IFT140: variants seen among roughly 807,000 people sequenced by gnomAD.
The protein encoded by IFT140 is intraflagellar transport protein 140 homolog.
A neutral mutation model predicts 164.6 loss-of-function variants in IFT140; 133 were observed. The ratio of observed to expected loss-of-function variants is 0.81; its 90% CI spans 0.70 to 0.93. IFT140 has a LOEUF of 0.93. Among genes scored for constraint, IFT140 ranks in the 40% least tolerant of loss-of-function variants. IFT140 has a pLI of 0.00. For missense variants in IFT140, 2,045 were observed against 1,972.3 expected (o/e 1.04, Z -0.70); for synonymous variants, 860 against 817.3 (o/e 1.05, Z -0.89).
intron 27 of IFT140, 37 bp downstream of exon 27, chr16:1,520,565 G>A: frequency 6.5e-7 from 1 of 1,536,088 alleles, no homozygotes; most frequent in Non-Finnish European, 8.8e-7. Context: ...CTAACTGCCT[G>A]TGAGGTAGCC....
chr16:1,524,737 G>A, intron 23 of IFT140, 42 bp from the exon 24 acceptor site: 3 of 1,584,550 alleles, frequency 1.9e-6, no homozygotes, highest in Non-Finnish European at 2.6e-6. Flanking sequence ...CGGTGGCCTT[G>A]TGTCTGCCTC....
At chr16:1,587,176 G>A (rs746673783) in intron 9 of IFT140, 22 bp downstream of exon 9, 2 of 1,471,060 alleles carry the variant, frequency 1.4e-6, no homozygotes, top group South Asian at 1.1e-5. Flanking sequence ...TGTTTCTCTT[G>A]TGCCAGGCCA....
intron 19 of IFT140, among the ~76,000 whole-genome samples, chr16:1,537,006 A>G (rs2031140388): frequency 6.6e-6 from 1 of 152,212 alleles, no homozygotes; most frequent in African/African-American, 2.4e-5. Context: ...CAGCAGCTCT[A>G]GCCTGGCCAC....
chr16:1,602,741 A>G, intron 3 of IFT140, 150 bp from the exon 4 acceptor site: 1 of 697,238 alleles, frequency 1.4e-6, no homozygotes, highest in South Asian at 1.8e-5. Context: ...GGAGTTCGAG[A>G]CCAGCTGGGC....
intron 13 of IFT140, 102 bp downstream of exon 13, chr16:1,580,657 G>T: frequency 1.3e-6 from 1 of 769,778 alleles, no homozygotes; most frequent in South Asian, 1.5e-5. Context: ...TGTGAGAAAG[G>T]ACTAATAACC....
At position 1,580,865 on chromosome 16, in the gene IFT140, G is replaced by A. The variant is rs749683523; in HGVS notation, c.1433-15C>T. ...CAAGAAGGTCCCTAAAATGAAAGAC[G>A]AACATCAGGATGGCGGCCGCTCATC... On this transcript the variant is annotated splice_polypyrimidine_tract_variant and intron_variant, in intron 12 of 30. Coordinates refer to ENST00000426508, the MANE Select transcript of IFT140 (RefSeq NM_014714.4). 2.2e-5 allele frequency: 34 copies of A among 1,577,720 alleles called. No individual in the cohort carries two copies. Among genetic ancestry groups the A allele is most frequent in the Non-Finnish European group, 2.9e-5 (33 of 1,147,530 alleles).
intron 4 of IFT140, among the ~76,000 whole-genome samples, chr16:1,598,187 G>A (rs566220701): frequency 8.5e-5 from 13 of 152,218 alleles, no homozygotes; most frequent in East Asian, 1.9e-4. Flanking sequence ...AGCCGGGTGC[G>A]GTGGCTCACG....
intron 19 of IFT140, 103 bp downstream of exon 19, chr16:1,557,832 G>C: frequency 9.1e-7 from 1 of 1,098,656 alleles, no homozygotes; most frequent in Non-Finnish European, 1.4e-6. Context: ...CAGTCATGAG[G>C]AGTCAAATAT....
chr16:1,609,691 T>C (rs186017760), intron 2 of IFT140, among the ~76,000 whole-genome samples: 6 of 152,356 alleles, frequency 3.9e-5, no homozygotes, highest in African/African-American at 2.4e-5. Context: ...TGCATTAATA[T>C]AATTGTTCAT....
chr16:1,525,055 G>C, intron 22 of IFT140, 139 bp from the exon 23 acceptor site: 1 of 1,341,766 alleles, frequency 7.5e-7, no homozygotes, highest in Non-Finnish European at 1.0e-6. Flanking sequence ...GAGGACCCCT[G>C]GCTTTGTCCA....
Position 1,571,403 on chromosome 16 carries a change from T to C in IFT140, c.1652+4A>G, listed in dbSNP as rs1233475487. The C allele has an allele frequency of 3.7e-6, 6 of 1,608,636 alleles. No homozygotes were observed. Among genetic ancestry groups the C allele is most frequent in the East Asian group, 2.2e-5 (1 of 44,862 alleles). On this transcript the variant is annotated splice_donor_region_variant and intron_variant, in intron 14 of 30. Coordinates refer to ENST00000426508, the MANE Select transcript of IFT140 (RefSeq NM_014714.4). ...TCACACTTCTATTTGGAAAAAAAAT[T>C]TACCTTCGGGAAAGATCAAAGCTTT...
At chr16:1,540,256 G>A (rs1369633613) in intron 19 of IFT140, among the ~76,000 whole-genome samples, 1 of 152,240 alleles carries the variant, frequency 6.6e-6, no homozygotes, top group African/African-American at 2.4e-5. Flanking sequence ...GTTATTCTGT[G>A]AATCCAGATT....
rs545940037 is a variant in IFT140 at position 1,577,399 on chromosome 16, T to C, written c.1524+3360A>G. The C allele has an allele frequency of 3.9e-5, 6 of 152,300 alleles. No individual in the cohort carries two copies. In the South Asian group the frequency reaches 1.2e-3, roughly 32 times the overall value. The allele number at this position is 152,300 out of a possible 1,614,324, so 9.4% of individuals were successfully genotyped here. A position where few individuals can be genotyped will look rare whatever the true frequency, so the allele number is the denominator to read the frequency against. ...TGCACTATGTAATACATAGAACATATGAAATATGTGTTAATCGACTGTTCA... is the reference window on the plus strand; with the variant it reads ...TGCACTATGTAATACATAGAACATACGAAATATGTGTTAATCGACTGTTCA... On this transcript the variant is annotated intron_variant, in intron 13 of 30. Coordinates refer to ENST00000426508, the MANE Select transcript of IFT140 (RefSeq NM_014714.4).
chr16:1,585,766 CTTTTTTTTTTTT>C (rs916504738), intron 10 of IFT140, among the ~76,000 whole-genome samples: 3 of 119,362 alleles, frequency 2.5e-5, no homozygotes, highest in African/African-American at 9.3e-5. Flanking sequence ...CCTCCACTTT[CTTTTTTTTTTTT>C]TTTTTTTTTT....
At chr16:1,601,429 T>G (rs1298876624) in intron 4 of IFT140, among the ~76,000 whole-genome samples, 4 of 152,158 alleles carry the variant, frequency 2.6e-5, no homozygotes, top group Admixed American at 2.6e-4. Context: ...TCCTGGAGTG[T>G]GAGAACTCTA....
chr16:1,599,759 G>T (rs1216163010), intron 4 of IFT140, among the ~76,000 whole-genome samples: 93 of 46,660 alleles, frequency 2.0e-3, no homozygotes, highest in East Asian at 9.4e-3. Context: ...CCGGCCAGCC[G>T]CCCCGTCCGG....
rs200228341 is a variant in IFT140 at position 1,511,073 on chromosome 16, C to G, written c.4260G>C (p.Val1420=). ...NMSYYVSPQA[V]DAVHRGLGLP... Reference sequence around the variant, plus strand: ...GACCCAGCCCCCGGTGCACGGCGTCCACGGCCTGCGGGCTCACGTAGTAGG... The same window carrying G: ...GACCCAGCCCCCGGTGCACGGCGTCGACGGCCTGCGGGCTCACGTAGTAGG... Residue 1420 remains valine (V), a synonymous_variant, in exon 31 of 31, where the codon GTG becomes GTC. Coordinates refer to ENST00000426508, the MANE Select transcript of IFT140 (RefSeq NM_014714.4). The G allele has an allele frequency of 1.7e-5, 27 of 1,609,388 alleles. No individual in the cohort carries two copies. The African/African-American group carries it at 1.7e-4, about 10-fold the overall frequency.
chr16:1,586,046 C>T (rs1222253322), intron 10 of IFT140, 84 bp downstream of exon 10: 18 of 1,539,690 alleles, frequency 1.2e-5, no homozygotes, highest in Non-Finnish European at 1.4e-5. Context: ...GCTGGGATTA[C>T]AGGCGTGAGC....
chr16:1,534,518 G>GGCAGCC (rs2030857268), intron 19 of IFT140: 2 of 1,607,138 alleles, frequency 1.2e-6, no homozygotes, highest in East Asian at 2.2e-5. Context: ...GGGGCTCCGA[G>GGCAGCC]GCAGCCGGCT....
Sources: allele counts gnomAD v4.1 joint callset (sites outside exome capture counted in the v4.1 genomes callset), GRCh38; gene constraint gnomAD v4.1.1; transcripts MANE v1.5; gene names NCBI Gene and HGNC (gene_info 2026-07-23, HGNC 2026-07-21).